L3MBTL3: variants seen among roughly 807,000 people sequenced by gnomAD.
L3MBTL3 encodes L3MBTL histone methyl-lysine binding protein 3, also known as lethal(3)malignant brain tumor-like protein 3.
Under a neutral mutation model 102.3 loss-of-function variants are expected in L3MBTL3, and 27 were observed. That is an observed-to-expected ratio of 0.26 (90% CI 0.19 to 0.36). L3MBTL3 has a LOEUF of 0.36. L3MBTL3 is among the 10% of genes least tolerant of loss of function. The probability of loss-of-function intolerance (pLI) is 1.00; values close to 1 mark genes in which losing one functional copy is unlikely to be tolerated. For missense variants in L3MBTL3, 798 were observed against 955.3 expected (o/e 0.84, Z 2.17); for synonymous variants, 340 against 320.9 (o/e 1.06, Z -0.64).
At chr6:130,067,357 GCCCACCTT>G (rs1337382648) in intron 11 of L3MBTL3, among the ~76,000 whole-genome samples, 5 of 152,090 alleles carry the variant, frequency 3.3e-5, no homozygotes, top group African/African-American at 1.2e-4. Context: ...CAAGTGATCT[GCCCACCTT>G]GGCCTCCCAA....
At chr6:130,126,360 C>G (rs1002888560) in intron 20 of L3MBTL3, among the ~76,000 whole-genome samples, 3 of 152,094 alleles carry the variant, frequency 2.0e-5, no homozygotes, top group African/African-American at 7.2e-5. Context: ...CTGGCACTTG[C>G]CCTCCTGGGT....
chr6:130,037,158 A>C (rs1052497668), intron 2 of L3MBTL3, among the ~76,000 whole-genome samples: 9 of 152,204 alleles, frequency 5.9e-5, no homozygotes, highest in African/African-American at 2.2e-4. Flanking sequence ...TGTGCCTGAC[A>C]CTTAGTATCT....
rs1198321514 is a variant in L3MBTL3, at chr6:130,098,288, C to T, written c.1736+3921C>T. On this transcript the variant is annotated intron_variant, in intron 18 of 22. Coordinates refer to ENST00000361794, the MANE Select transcript of L3MBTL3 (RefSeq NM_032438.4). ...CATATTAATTCACCATGCATCTATC[C>T]GTGAACAAACCTTTGTTAAGTGCCT... 2.6e-5 allele frequency among the ~76,000 whole-genome samples: 4 copies of T among 152,144 alleles called. No individual in the cohort carries two copies. The East Asian group carries it at 7.7e-4, about 29-fold the overall frequency.
At chr6:130,119,751 T>C (rs1307695112) in intron 19 of L3MBTL3, among the ~76,000 whole-genome samples, 1 of 152,202 alleles carries the variant, frequency 6.6e-6, no homozygotes, top group Non-Finnish European at 1.5e-5. Context: ...CTGGAAATGA[T>C]CTTTCTTAAA....
rs1786950292 is a variant in L3MBTL3 at position 130,130,717 on chromosome 6, A to G, written c.1967-2735A>G. ...TTGAGGTTGATTGGATGAAATGTGG[A>G]AAGAGGGATAATGATGGCTTTTTAA... On this transcript the variant is annotated intron_variant, in intron 20 of 22. Transcript: ENST00000361794. 2.0e-5 allele frequency among the ~76,000 whole-genome samples: 3 copies of G among 152,348 alleles called. No homozygotes were observed. The South Asian group carries it at 6.2e-4, about 32-fold the overall frequency.
At chr6:130,020,154 C>A (rs1357079527) in intron 1 of L3MBTL3, among the ~76,000 whole-genome samples, 1 of 150,878 alleles carries the variant, frequency 6.6e-6, no homozygotes, top group Non-Finnish European at 1.5e-5. Flanking sequence ...CCTCGCGCCG[C>A]GTGTGTGTGC....
At chr6:130,092,330 C>T (rs930633820) in intron 16 of L3MBTL3, among the ~76,000 whole-genome samples, 2 of 151,880 alleles carry the variant, frequency 1.3e-5, no homozygotes, top group Non-Finnish European at 1.5e-5. Flanking sequence ...TCCTCCTTTC[C>T]TCTCCTTCCT....
chr6:130,139,964 T>C lies in L3MBTL3; in HGVS notation c.*211T>C. The C allele has an allele frequency of 3.0e-6, 1 of 334,232 alleles. No homozygotes were observed. Among genetic ancestry groups the C allele is most frequent in the Non-Finnish European group, 5.4e-6 (1 of 184,940 alleles). 20.7% of individuals were successfully genotyped at this position (334,232 alleles called of 1,614,324 possible). On this transcript the variant is annotated 3_prime_UTR_variant, in exon 23 of 23. Transcript: ENST00000361794. ...CAGGTACTGTCTAACAACAGTCATC[T>C]TTTGGTTCTGTTCACTGAGCTAAAT...
chr6:130,043,258 A>G (rs574514050), intron 3 of L3MBTL3, among the ~76,000 whole-genome samples: 1 of 152,246 alleles, frequency 6.6e-6, no homozygotes, highest in Non-Finnish European at 1.5e-5. Flanking sequence ...AGGATTATTC[A>G]CCTCTCTTAA....
chr6:130,034,891 A>C (rs1779952529), intron 2 of L3MBTL3, among the ~76,000 whole-genome samples: 1 of 152,232 alleles, frequency 6.6e-6, no homozygotes, highest in Non-Finnish European at 1.5e-5. Flanking sequence ...GTAGTCTGCG[A>C]ATGCATACCT....
At chr6:130,031,265 A>G (rs953302752) in intron 2 of L3MBTL3, among the ~76,000 whole-genome samples, 2 of 152,226 alleles carry the variant, frequency 1.3e-5, no homozygotes, top group African/African-American at 2.4e-5. Flanking sequence ...ATTAGAAGGT[A>G]GCATCCTTGT....
At chr6:130,095,786 G>C (rs1784327247) in intron 18 of L3MBTL3, among the ~76,000 whole-genome samples, 1 of 152,192 alleles carries the variant, frequency 6.6e-6, no homozygotes, top group African/African-American at 2.4e-5. Context: ...ATGTGTGAGA[G>C]AGCTAGAGAG....
chr6:130,104,890 A>G (rs1192239462), intron 19 of L3MBTL3, among the ~76,000 whole-genome samples: 1 of 152,198 alleles, frequency 6.6e-6, no homozygotes, highest in African/African-American at 2.4e-5. Context: ...TTCTGCATGA[A>G]TTGATCAATA....
intron 19 of L3MBTL3, among the ~76,000 whole-genome samples, chr6:130,110,875 C>T (rs1785307347): frequency 6.6e-6 from 1 of 152,092 alleles, no homozygotes; most frequent in Admixed American, 6.6e-5. Context: ...CCATCAATAC[C>T]TAGTTTTCTT....
chr6:130,104,441 C>G lies in L3MBTL3; in HGVS notation c.1752C>G (p.Pro584=), dbSNP rs906699013. Residue 584 remains proline (P), a synonymous_variant, in exon 19 of 23, where the codon CCC becomes CCG. Coordinates refer to ENST00000361794, the MANE Select transcript of L3MBTL3 (RefSeq NM_032438.4). ...AATCTGTTAGTGCTGCCAACTGTCC[C>G]TATTCAGAAATCAATTTGAATAAAG... ...HLGPHSAANC[P]YSEINLNKDR... is the part of the protein sequence containing the mutation. 2.6e-6 allele frequency: 4 copies of G among 1,563,332 alleles called. No homozygotes were observed. The highest frequency in any genetic ancestry group is 2.6e-6 in the Non-Finnish European group (3 of 1,157,628).
At chr6:130,106,859 C>T (rs111769505) in intron 19 of L3MBTL3, among the ~76,000 whole-genome samples, 5,571 of 152,308 alleles carry the variant, frequency 0.037, 180 homozygotes, top group Middle Eastern at 0.088. Context: ...AAATGCCCTT[C>T]CACTCATTTC....
At chr6:130,052,270 C>A (rs1020346055) in intron 6 of L3MBTL3, among the ~76,000 whole-genome samples, 152 of 152,040 alleles carry the variant, frequency 1.0e-3, no homozygotes, top group Non-Finnish European at 2.5e-4. Context: ...CCACACCCAG[C>A]TAGTTTTTTC....
At chr6:130,130,760 G>T (rs529254046) in intron 20 of L3MBTL3, among the ~76,000 whole-genome samples, 2 of 152,308 alleles carry the variant, frequency 1.3e-5, no homozygotes, top group South Asian at 4.1e-4. Flanking sequence ...TTGAAGATTT[G>T]AAATGTTTCA....
At chr6:130,107,904 A>G (rs1217279273) in intron 19 of L3MBTL3, among the ~76,000 whole-genome samples, 1 of 152,172 alleles carries the variant, frequency 6.6e-6, no homozygotes, top group African/African-American at 2.4e-5. Context: ...AGCTCTGAAG[A>G]TTAGTTCTGT....
Sources: allele counts gnomAD v4.1 joint callset (sites outside exome capture counted in the v4.1 genomes callset), GRCh38; gene constraint gnomAD v4.1.1; transcripts MANE v1.5; gene names NCBI Gene and HGNC (gene_info 2026-07-23, HGNC 2026-07-21).